Variants in ZP2 observed in about 807,000 individuals in gnomAD.
ZP2 encodes the protein zona pellucida sperm-binding protein 2.
Under a neutral mutation model 84.0 loss-of-function variants are expected in ZP2, and 51 were observed. The ratio of observed to expected loss-of-function variants is 0.61; its 90% CI spans 0.49 to 0.77. The LOEUF (loss-of-function observed/expected upper bound fraction) is 0.77. ZP2 is among the 30% of genes least tolerant of loss of function. The pLI is 0.00. For missense variants in ZP2, 909 were observed against 911.9 expected, an observed-to-expected ratio of 1.00 and a Z score of 0.04; for synonymous variants, 375 against 330.9, an observed-to-expected ratio of 1.13 and a Z score of -1.45.
intron 5 of ZP2, among the ~76,000 whole-genome samples, chr16:21,206,359 A>G (rs2093249590): frequency 6.6e-6 from 1 of 152,176 alleles, no homozygotes; most frequent in South Asian, 2.1e-4. Context: ...TACTATGTAA[A>G]AGCCATGCAG....
intron 5 of ZP2, 152 bp from the exon 6 acceptor site, chr16:21,205,927 C>T: frequency 2.8e-6 from 2 of 706,910 alleles, no homozygotes; most frequent in South Asian, 3.4e-5. Context: ...CCTTAGATGT[C>T]ATTATACTTC....
rs771871412 is a variant in ZP2, at chr16:21,205,736, TGTC to T, written c.520_522del (p.Asp174del). 5 of 1,614,100 alleles carry T rather than the reference TGTC, an allele frequency of 3.1e-6. No homozygotes were observed. In the Admixed American group the frequency reaches 6.7e-5, roughly 22 times the overall value. On this transcript the variant is annotated inframe_deletion, in exon 6 of 19. Coordinates refer to ENST00000574091, the MANE Select transcript of ZP2 (RefSeq NM_001376232.1). ...TTTTAAAATTTGCTTCATACCTTAC[TGTC>T]GTCAGCCAAGCCAGAGAAGACCCGT...
chr16:21,208,373 T>A (rs551924206), intron 4 of ZP2, among the ~76,000 whole-genome samples: 2 of 152,176 alleles, frequency 1.3e-5, no homozygotes, highest in African/African-American at 2.4e-5. Context: ...ACTTCATTGA[T>A]TGATCACAGA....
intron 17 of ZP2, 96 bp downstream of exon 17, chr16:21,198,683 C>T (rs2093210735): frequency 1.0e-6 from 1 of 994,320 alleles, no homozygotes; most frequent in Non-Finnish European, 1.5e-6. Context: ...ATTGTTTAGA[C>T]TCACCACGGG....
Position 21,203,005 on chromosome 16 carries a change from T to C in ZP2, c.1099+120A>G, listed in dbSNP as rs1383235509. 1.7e-5 allele frequency: 21 copies of C among 1,215,272 alleles called. No homozygotes were observed. In the Admixed American group the frequency reaches 4.2e-4, roughly 24 times the overall value. The allele number at this position is 1,215,272 out of a possible 1,614,324, so 75.3% of individuals were successfully genotyped here. On this transcript the variant is annotated intron_variant, in intron 10 of 18. Coordinates refer to ENST00000574091, the MANE Select transcript of ZP2 (RefSeq NM_001376232.1). ...GCTACACTGTTTCTAATCTGACTAG[T>C]CTTTAGTTTCTTCAGTCTATAAGCA...
chr16:21,205,496 C>G lies in ZP2; in HGVS notation c.617G>C (p.Gly206Ala). 1 of 1,613,992 alleles carries G rather than the reference C, an allele frequency of 6.2e-7. No homozygotes were observed. Among genetic ancestry groups the G allele is most frequent in the Non-Finnish European group, 8.5e-7 (1 of 1,179,986 alleles). The change falls in exon 7 of 19, where the codon GGC (glycine) becomes GCC (alanine). Residue 206 changes from glycine (G) to alanine (A), a missense_variant. By Grantham distance (60) the Gly-to-Ala change is moderately conservative (BLOSUM62 0). Transcript: ENST00000574091. ...TLTLPEAMKE[G>A]FSLLIDNHRM... ...GTGGTTGTCAATCAAGAGGCTGAAG[C>G]CTTCCTTCATGGCCTCTGGCAGGGT... is the stretch of plus-strand genomic sequence containing the variant.
intron 17 of ZP2, among the ~76,000 whole-genome samples, chr16:21,198,498 G>A (rs139401266): frequency 6.6e-4 from 101 of 152,292 alleles, no homozygotes; most frequent in African/African-American, 2.4e-3. Context: ...GAGCCACGTG[G>A]AATCCTAAGG....
intron 16 of ZP2, 118 bp downstream of exon 16, chr16:21,199,452 C>A: frequency 2.2e-6 from 2 of 906,914 alleles, no homozygotes; most frequent in Non-Finnish European, 3.2e-6. Context: ...ACTGGGCCAA[C>A]AAGAGCTCTG....
rs746263996 is a variant in ZP2 at position 21,198,820 on chromosome 16, G to T, written c.1970C>A (p.Pro657Gln). The change falls in exon 17 of 19, where the codon CCA (proline) becomes CAA (glutamine). Residue 657 changes from proline (P) to glutamine (Q), a missense_variant. Coordinates refer to ENST00000574091, the MANE Select transcript of ZP2 (RefSeq NM_001376232.1). ...TEAEKMTVSL[P>Q]GPILLLSDDS... ...ATCTGACAACAGGAGAATGGGTCCT[G>T]GGAGGCTGACTGTCATTTTCTCTGC... The T allele has an allele frequency of 2.5e-6, 4 of 1,613,964 alleles. No individual in the cohort carries two copies. In the African/African-American group the frequency reaches 5.3e-5, roughly 22 times the overall value.
chr16:21,197,741 A>T (rs753722084), intron 18 of ZP2, 25 bp downstream of exon 18: 2 of 1,613,762 alleles, frequency 1.2e-6, no homozygotes, highest in African/African-American at 2.7e-5. Context: ...TTATTTCAGA[A>T]GTTTGCAACA....
Position 21,199,550 on chromosome 16 carries a change from C to T in ZP2, c.1927+20G>A. The T allele has an allele frequency of 1.3e-6, 2 of 1,551,294 alleles. No homozygotes were observed. The highest frequency in any genetic ancestry group is 1.7e-6 in the Non-Finnish European group (2 of 1,152,606). On this transcript the variant is annotated intron_variant, in intron 16 of 18. Coordinates refer to ENST00000574091, the MANE Select transcript of ZP2 (RefSeq NM_001376232.1). ...TTGCTTTGAATTAGACTCACAGAAA[C>T]AGGAATTTGAAGTTTTTACCTCGCC...
chr16:21,206,993 G>A lies in ZP2; in HGVS notation c.331-3C>T, dbSNP rs1293460567. 1.2e-6 allele frequency: 2 copies of A among 1,614,062 alleles called. No individual in the cohort carries two copies. The highest frequency in any genetic ancestry group is 8.5e-7 in the Non-Finnish European group (1 of 1,179,976). Reference sequence around the variant, plus strand: ...ATGGTCATCTGGTGTCCACCATGCTGTGTACAGATAGCACAGTGGGAACAG... The same window carrying A: ...ATGGTCATCTGGTGTCCACCATGCTATGTACAGATAGCACAGTGGGAACAG... On this transcript the variant is annotated splice_polypyrimidine_tract_variant and splice_region_variant and intron_variant, in intron 4 of 18. Coordinates refer to ENST00000574091, the MANE Select transcript of ZP2 (RefSeq NM_001376232.1).
intron 4 of ZP2, among the ~76,000 whole-genome samples, chr16:21,208,756 G>A (rs560681318): frequency 1.3e-5 from 2 of 152,120 alleles, no homozygotes; most frequent in African/African-American, 4.8e-5. Flanking sequence ...ATCTCATGTT[G>A]GGGTTCACAG....
At chr16:21,205,822 GT>G in intron 5 of ZP2, 47 bp from the exon 6 acceptor site, 1 of 1,598,248 alleles carries the variant, frequency 6.3e-7, no homozygotes, top group Non-Finnish European at 8.6e-7. Context: ...GGAGGTAGAT[GT>G]TTCCGAATTC....
In ZP2 at chr16:21,211,316, C is replaced by T. The variant is rs2093274002; in HGVS notation, c.142G>A (p.Ala48Thr). 3.7e-6 allele frequency: 6 copies of T among 1,614,040 alleles called. No homozygotes were observed. The highest frequency in any genetic ancestry group is 3.4e-6 in the Non-Finnish European group (4 of 1,179,956). ...SIDVSQLVNP[A>T]FPGTVTCDER... Reference sequence around the variant, plus strand: ...CACCCAAGAGACATACCTGGAAAGGCAGGATTTACCAACTGAGAAACATCT... The same window carrying T: ...CACCCAAGAGACATACCTGGAAAGGTAGGATTTACCAACTGAGAAACATCT... Residue 48 changes from alanine (A) to threonine (T), a missense_variant, in exon 2 of 19, where the codon GCC (alanine) becomes ACC (threonine). Ala to Thr is a moderately conservative substitution (Grantham distance 58, BLOSUM62 0). Coordinates refer to ENST00000574091, the MANE Select transcript of ZP2 (RefSeq NM_001376232.1).
chr16:21,206,576 C>T (rs1012413126), intron 5 of ZP2, among the ~76,000 whole-genome samples: 1 of 151,920 alleles, frequency 6.6e-6, no homozygotes, highest in South Asian at 2.1e-4. Flanking sequence ...ACCAATAAAA[C>T]CCTATTGCCA....
chr16:21,198,878 C>G lies in ZP2; in HGVS notation c.1928-16G>C. The G allele has an allele frequency of 6.2e-7, 1 of 1,612,168 alleles. No individual in the cohort carries two copies. The highest frequency in any genetic ancestry group is 8.5e-7 in the Non-Finnish European group (1 of 1,178,842). Reference sequence around the variant, plus strand: ...GCCCCTGTGGCTGGAGACAGATGATCAAGTTTGTGTTTGGCCTCTGGAATA... The same window carrying G: ...GCCCCTGTGGCTGGAGACAGATGATGAAGTTTGTGTTTGGCCTCTGGAATA... On this transcript the variant is annotated splice_polypyrimidine_tract_variant and intron_variant, in intron 16 of 18. Coordinates refer to ENST00000574091, the MANE Select transcript of ZP2 (RefSeq NM_001376232.1).
intron 3 of ZP2, 67 bp from the exon 4 acceptor site, chr16:21,209,792 A>G: frequency 7.2e-7 from 1 of 1,384,694 alleles, no homozygotes. Context: ...AAAGCTATAG[A>G]GTCAAGACCA....
intron 4 of ZP2, 38 bp from the exon 5 acceptor site, chr16:21,207,028 T>C: frequency 6.2e-7 from 1 of 1,610,508 alleles, no homozygotes; most frequent in South Asian, 1.1e-5. Flanking sequence ...GAGTAAGTAC[T>C]GTACCCCCAT....
Sources: gnomAD v4.1 joint callset for allele counts (sites outside exome capture counted in the v4.1 genomes callset) on GRCh38, gnomAD v4.1.1 for gene constraint, MANE v1.5 for transcripts, NCBI Gene and HGNC (gene_info 2026-07-23, HGNC 2026-07-21) for gene names.